The following KDM7A variants were observed in gnomAD, a reference collection of about 807,000 sequenced individuals.
The protein encoded by KDM7A is lysine demethylase 7A, also known as lysine-specific demethylase 7A.
KDM7A carries 28 observed loss-of-function variants against 114.8 expected under a neutral mutation model. That is an observed-to-expected ratio of 0.24 (90% CI 0.18 to 0.33). The LOEUF (loss-of-function observed/expected upper bound fraction) is 0.33. KDM7A is among the 10% of genes least tolerant of loss of function. KDM7A has a pLI of 1.00. For missense variants in KDM7A, 942 were observed against 1,142.5 expected (o/e 0.82, Z 2.53); for synonymous variants, 423 against 397.8 (o/e 1.06, Z -0.75).
chr7:140,137,279 G>C (rs1481673551), intron 2 of KDM7A, among the ~76,000 whole-genome samples: 4 of 152,090 alleles, frequency 2.6e-5, no homozygotes, highest in South Asian at 2.1e-4. Flanking sequence ...GATCCATTAT[G>C]GATTGTGTAA....
At chr7:140,146,715 C>A (rs750629755) in intron 1 of KDM7A, among the ~76,000 whole-genome samples, 16 of 152,188 alleles carry the variant, frequency 1.1e-4, no homozygotes, top group Non-Finnish European at 2.9e-5. Context: ...ATCTATAGAA[C>A]AGCCTCACTG....
At chr7:140,165,865 A>G (rs1794568834) in intron 1 of KDM7A, among the ~76,000 whole-genome samples, 1 of 152,086 alleles carries the variant, frequency 6.6e-6, no homozygotes, top group Admixed American at 6.5e-5. Context: ...CAGTATGTTG[A>G]GTTCCTAAGC....
intron 1 of KDM7A, among the ~76,000 whole-genome samples, chr7:140,152,709 G>T (rs1363680101): frequency 6.6e-6 from 1 of 151,932 alleles, no homozygotes. Flanking sequence ...TGCCAGGAAA[G>T]GTCAACAGCA....
Position 140,101,939 on chromosome 7 carries a change from C to T in KDM7A, c.1638+12G>A. 1 of 1,573,950 alleles carries T rather than the reference C, an allele frequency of 6.4e-7. No homozygotes were observed. Among genetic ancestry groups the T allele is most frequent in the Middle Eastern group, 1.7e-4 (1 of 5,928 alleles). ...CAAGTTTCTTTTTGTTGTCATGAAA[C>T]ATAATACTTGCCTCTTCCCATGGAC... On this transcript the variant is annotated intron_variant, in intron 12 of 19. Coordinates refer to ENST00000397560, the MANE Select transcript of KDM7A (RefSeq NM_030647.2).
chr7:140,106,420 A>T, intron 11 of KDM7A, among the ~76,000 whole-genome samples: 1 of 152,158 alleles, frequency 6.6e-6, no homozygotes, highest in African/African-American at 2.4e-5. Context: ...TCTTGTGGGC[A>T]TTTAGTGCTA....
At chr7:140,143,976 G>C (rs538657498) in intron 1 of KDM7A, among the ~76,000 whole-genome samples, 36 of 152,216 alleles carry the variant, frequency 2.4e-4, no homozygotes, top group Non-Finnish European at 5.0e-4. Context: ...ATAAATAAAT[G>C]TTATACAAAA....
chr7:140,098,316 T>C (rs1279887214), intron 14 of KDM7A, among the ~76,000 whole-genome samples: 5 of 152,162 alleles, frequency 3.3e-5, no homozygotes, highest in Non-Finnish European at 7.3e-5. Flanking sequence ...GATCCTGAAA[T>C]ATATTGAGAA....
chr7:140,148,887 T>C (rs919341898), intron 1 of KDM7A, among the ~76,000 whole-genome samples: 13 of 152,220 alleles, frequency 8.5e-5, no homozygotes, highest in African/African-American at 3.1e-4. Context: ...GTGAAGATTA[T>C]ATAATTGACA....
chr7:140,108,721 G>A (rs1224908352), intron 11 of KDM7A, among the ~76,000 whole-genome samples: 1 of 152,214 alleles, frequency 6.6e-6, no homozygotes, highest in Non-Finnish European at 1.5e-5. Flanking sequence ...AGGGGTCAGG[G>A]ACCCACTTGA....
rs375591462 is a variant in KDM7A, at chr7:140,101,943, A to G, written c.1638+8T>C. The G allele has an allele frequency of 5.9e-5, 93 of 1,585,640 alleles. No individual in the cohort carries two copies. Among genetic ancestry groups the G allele is most frequent in the Non-Finnish European group, 7.3e-5 (84 of 1,154,490 alleles). Reference sequence around the variant, plus strand: ...TTTCTTTTTGTTGTCATGAAACATAATACTTGCCTCTTCCCATGGACACAT... The same window carrying G: ...TTTCTTTTTGTTGTCATGAAACATAGTACTTGCCTCTTCCCATGGACACAT... On this transcript the variant is annotated splice_region_variant and intron_variant, in intron 12 of 19. Transcript: ENST00000397560.
At chr7:140,100,667 T>TATATATATATAC (rs1562945838) in intron 12 of KDM7A, among the ~76,000 whole-genome samples, 2 of 43,288 alleles carry the variant, frequency 4.6e-5, no homozygotes, top group Admixed American at 6.2e-4. Flanking sequence ...AAGTTATATA[T>TATATATATATAC]ATATATATAT....
chr7:140,106,759 T>C (rs1321271846), intron 11 of KDM7A, among the ~76,000 whole-genome samples: 1 of 152,228 alleles, frequency 6.6e-6, no homozygotes, highest in Non-Finnish European at 1.5e-5. Context: ...AGAATGTACA[T>C]TCTCTTGATT....
Position 140,089,755 on chromosome 7 carries a change from C to G in KDM7A, c.*1339G>C, listed in dbSNP as rs1817990036. The stretch of plus-strand genomic sequence containing the variant: ...GAATACCTTAAAGTTTAACCAGATA[C>G]TTAACCTCAATATGTACTGGTCAGG... On this transcript the variant is annotated 3_prime_UTR_variant, in exon 20 of 20. Transcript: ENST00000397560. The G allele has an allele frequency of 1.3e-5, 2 of 152,148 alleles. No individual in the cohort carries two copies. The highest frequency in any genetic ancestry group is 4.8e-5 in the African/African-American group (2 of 41,434). The allele number at this position is 152,148 out of a possible 1,614,324, so 9.4% of individuals were successfully genotyped here. A position where few individuals can be genotyped will look rare whatever the true frequency, so the allele number is the denominator to read the frequency against.
chr7:140,174,850 C>T (rs1794684335), intron 1 of KDM7A, among the ~76,000 whole-genome samples: 1 of 152,068 alleles, frequency 6.6e-6, no homozygotes, highest in South Asian at 2.1e-4. Context: ...CTCTTTACCT[C>T]GTGATCCACC....
At chr7:140,093,450 TG>T (rs1818055902) in intron 18 of KDM7A, among the ~76,000 whole-genome samples, 1 of 152,194 alleles carries the variant, frequency 6.6e-6, no homozygotes, top group South Asian at 2.1e-4. Context: ...TATGTGTGCT[TG>T]GGGTAGAGAG....
intron 5 of KDM7A, 24 bp downstream of exon 5, chr7:140,127,418 A>G: frequency 6.3e-7 from 1 of 1,598,996 alleles, no homozygotes; most frequent in Non-Finnish European, 8.5e-7. Flanking sequence ...AGAATGCTAA[A>G]CCAAAATACC....
intron 18 of KDM7A, 195 bp from the exon 19 acceptor site, chr7:140,092,272 T>C (rs1818033109): frequency 6.8e-6 from 4 of 584,740 alleles, no homozygotes; most frequent in Non-Finnish European, 1.2e-5. Flanking sequence ...GGTCTTTAAG[T>C]TGCATCGTTA....
intron 11 of KDM7A, among the ~76,000 whole-genome samples, chr7:140,110,594 G>A (rs74469961): frequency 1.0e-3 from 157 of 151,808 alleles, no homozygotes; most frequent in African/African-American, 3.4e-3. Context: ...CTTAAACACC[G>A]AGAATAGCTC....
chr7:140,110,541 T>C (rs981127526), intron 11 of KDM7A, among the ~76,000 whole-genome samples: 8 of 152,184 alleles, frequency 5.3e-5, no homozygotes, highest in Non-Finnish European at 1.0e-4. Flanking sequence ...AGCTAGACAC[T>C]AACAGAACAA....
Sources: gnomAD v4.1 joint callset for allele counts (sites outside exome capture counted in the v4.1 genomes callset) on GRCh38, gnomAD v4.1.1 for gene constraint, MANE v1.5 for transcripts, NCBI Gene and HGNC (gene_info 2026-07-23, HGNC 2026-07-21) for gene names.